GPR158: variants seen among roughly 807,000 people sequenced by gnomAD.
The protein encoded by GPR158 is G protein-coupled receptor 158, also known as metabotropic glycine receptor.
Under a neutral mutation model 78.2 loss-of-function variants are expected in GPR158, and 30 were observed. That is an observed-to-expected ratio of 0.38 (90% CI 0.29 to 0.52). GPR158 has a LOEUF of 0.52. Ranked by LOEUF, GPR158 falls within the 20% of genes least tolerant of loss-of-function variation. The pLI is 0.83. For synonymous variants in GPR158, 581 were observed against 591.1 expected (o/e 0.98, Z 0.25); for missense variants, 1,463 against 1,523.5 (o/e 0.96, Z 0.66).
At chr10:25,474,258 A>G (rs1053421083) in intron 5 of GPR158, among the ~76,000 whole-genome samples, 2 of 152,130 alleles carry the variant, frequency 1.3e-5, no homozygotes, top group African/African-American at 2.4e-5. Flanking sequence ...TTTTGGGCAT[A>G]GGATCTCCGG....
At chr10:25,359,012 T>G (rs1477067345) in intron 2 of GPR158, among the ~76,000 whole-genome samples, 1 of 152,048 alleles carries the variant, frequency 6.6e-6, no homozygotes, top group Non-Finnish European at 1.5e-5. Flanking sequence ...CTGTTTTTTT[T>G]TGTTGATCTT....
rs1204448058 is a variant in GPR158, at chr10:25,576,990, C to A, written c.1753+4103C>A. Among the ~76,000 whole-genome samples, 22 of 126,902 alleles carry A rather than the reference C, an allele frequency of 1.7e-4. No individual in the cohort carries two copies. In the East Asian group the frequency reaches 2.7e-3, roughly 15 times the overall value. The allele number at this position is 126,902 out of a possible 152,430, so 83.3% of individuals were successfully genotyped here. A position where few individuals can be genotyped will look rare whatever the true frequency, so the allele number is the denominator to read the frequency against. On this transcript the variant is annotated intron_variant, in intron 7 of 10. Coordinates refer to ENST00000376351, the MANE Select transcript of GPR158 (RefSeq NM_020752.3). ...GTTCTCAAAAAAAAAAAAAAAAAGT[C>A]AGGGCACATAATTTTAAAAAATAAT...
intron 4 of GPR158, among the ~76,000 whole-genome samples, chr10:25,443,742 C>CTT (rs34049159): frequency 6.7e-6 from 1 of 149,788 alleles, no homozygotes; most frequent in Non-Finnish European, 1.5e-5. Context: ...CAATGCCCTT[C>CTT]TTTTTTTTGG....
chr10:25,544,262 A>G (rs370762247), intron 5 of GPR158, among the ~76,000 whole-genome samples: 3 of 151,058 alleles, frequency 2.0e-5, no homozygotes, highest in South Asian at 2.1e-4. Flanking sequence ...GGCCCCTAGT[A>G]TCAGAAAGAG....
At chr10:25,255,533 C>G (rs1284359428) in intron 2 of GPR158, among the ~76,000 whole-genome samples, 1 of 152,182 alleles carries the variant, frequency 6.6e-6, no homozygotes, top group Non-Finnish European at 1.5e-5. Context: ...CTTCCAAGTT[C>G]ATTCTGGTCC....
intron 2 of GPR158, among the ~76,000 whole-genome samples, chr10:25,230,977 A>T (rs552925216): frequency 6.6e-6 from 1 of 152,296 alleles, no homozygotes; most frequent in African/African-American, 2.4e-5. Context: ...TAGTGTTAAG[A>T]TTTTATACCT....
intron 2 of GPR158, among the ~76,000 whole-genome samples, chr10:25,290,149 G>A (rs1331569495): frequency 1.3e-5 from 2 of 152,148 alleles, no homozygotes; most frequent in African/African-American, 4.8e-5. Flanking sequence ...TGCAACACAG[G>A]CAGGCCAAGA....
intron 6 of GPR158, among the ~76,000 whole-genome samples, chr10:25,564,683 G>A (rs943306447): frequency 2.2e-5 from 3 of 134,362 alleles, no homozygotes; most frequent in East Asian, 2.0e-4. Flanking sequence ...CTTGAAGGCC[G>A]CCATTGAGCT....
chr10:25,221,631 T>C (rs926303199), intron 2 of GPR158, among the ~76,000 whole-genome samples: 10 of 152,114 alleles, frequency 6.6e-5, no homozygotes, highest in African/African-American at 2.4e-4. Flanking sequence ...TGGAAAGGAA[T>C]TGTGTATATG....
intron 2 of GPR158, among the ~76,000 whole-genome samples, chr10:25,235,693 ATT>A (rs930396368): frequency 0.049 from 5,565 of 113,578 alleles, 284 homozygotes; most frequent in African/African-American, 0.18. Context: ...TTGCACAGTA[ATT>A]TTTTTTTTTT....
At chr10:25,196,136 T>C (rs751062733) in intron 1 of GPR158, among the ~76,000 whole-genome samples, 2 of 152,136 alleles carry the variant, frequency 1.3e-5, no homozygotes, top group African/African-American at 2.4e-5. Flanking sequence ...TATTTTCTGC[T>C]ATCCAGTTTC....
At chr10:25,433,589 G>A (rs1338696724) in intron 4 of GPR158, among the ~76,000 whole-genome samples, 1 of 148,178 alleles carries the variant, frequency 6.7e-6, no homozygotes, top group African/African-American at 2.6e-5. Flanking sequence ...GCGTGCGCGT[G>A]CGCATATATG....
intron 2 of GPR158, among the ~76,000 whole-genome samples, chr10:25,248,311 T>C (rs1231685982): frequency 6.6e-6 from 1 of 152,178 alleles, no homozygotes; most frequent in Non-Finnish European, 1.5e-5. Context: ...GCAGAAGCTC[T>C]TTAGTTTAAT....
chr10:25,382,234 G>A (rs1754252), intron 2 of GPR158, among the ~76,000 whole-genome samples: 123,832 of 152,054 alleles, frequency 0.81, 51,439 homozygotes, highest in Non-Finnish European at 0.87. Context: ...TTGCTCACTC[G>A]GCGAGATGTA....
intron 4 of GPR158, among the ~76,000 whole-genome samples, chr10:25,446,539 T>G (rs912691157): frequency 1.3e-5 from 2 of 152,228 alleles, no homozygotes; most frequent in African/African-American, 2.4e-5. Flanking sequence ...GTATACTTTG[T>G]CCATGGCTTT....
At chr10:25,198,382 G>T (rs930557176) in intron 1 of GPR158, among the ~76,000 whole-genome samples, 1 of 152,134 alleles carries the variant, frequency 6.6e-6, no homozygotes, top group African/African-American at 2.4e-5. Flanking sequence ...AAAGTGGTGT[G>T]GGGGAGGAGA....
At chr10:25,288,048 A>AG (rs1293079303) in intron 2 of GPR158, among the ~76,000 whole-genome samples, 1 of 150,620 alleles carries the variant, frequency 6.6e-6, no homozygotes, top group Non-Finnish European at 1.5e-5. Context: ...ACTGAAAGTT[A>AG]GGGGGGTAAA....
intron 1 of GPR158, among the ~76,000 whole-genome samples, chr10:25,206,050 A>G (rs979606365): frequency 6.7e-6 from 1 of 148,698 alleles, no homozygotes; most frequent in African/African-American, 2.5e-5. Context: ...GCAGTGGCAC[A>G]TCTCGGCTCA....
intron 2 of GPR158, among the ~76,000 whole-genome samples, chr10:25,238,082 T>TTCTTCCTTCTTG (rs1351224156): frequency 5.9e-5 from 7 of 118,852 alleles, no homozygotes; most frequent in African/African-American, 3.1e-4. Flanking sequence ...CTTCCTTCTT[T>TTCTTCCTTCTTG]TTCTTTTTTA....
Sources: allele counts gnomAD v4.1 joint callset (sites outside exome capture counted in the v4.1 genomes callset), GRCh38; gene constraint gnomAD v4.1.1; transcripts MANE v1.5; gene names NCBI Gene and HGNC (gene_info 2026-07-23, HGNC 2026-07-21).